RFX3: variants seen among roughly 807,000 people sequenced by gnomAD.
RFX3 encodes the protein transcription factor RFX3.
RFX3 carries 14 observed loss-of-function variants against 98.6 expected under a neutral mutation model. That is an observed-to-expected ratio of 0.14 (90% CI 0.09 to 0.22). The LOEUF is 0.22. Ranked by LOEUF, RFX3 falls within the 10% of genes least tolerant of loss-of-function variation. The probability of loss-of-function intolerance (pLI) is 1.00; values close to 1 mark genes in which losing one functional copy is unlikely to be tolerated. For missense variants in RFX3, 639 were observed against 926.9 expected (o/e 0.69, Z 4.03); for synonymous variants, 383 against 328.4 (o/e 1.17, Z -1.80).
intron 3 of RFX3, among the ~76,000 whole-genome samples, chr9:3,332,406 G>A (rs563530846): frequency 1.8e-4 from 28 of 152,228 alleles, no homozygotes; most frequent in African/African-American, 6.3e-4. Context: ...ATTGAACCAT[G>A]AGAAAGCAAA....
intron 1 of RFX3, among the ~76,000 whole-genome samples, chr9:3,412,714 A>T (rs1842561676): frequency 6.6e-6 from 1 of 152,158 alleles, no homozygotes; most frequent in Non-Finnish European, 1.5e-5. Flanking sequence ...AAGCATACCA[A>T]TTCTGTTACA....
chr9:3,272,608 C>T (rs1824645233), intron 9 of RFX3, among the ~76,000 whole-genome samples: 2 of 152,182 alleles, frequency 1.3e-5, no homozygotes, highest in African/African-American at 2.4e-5. Flanking sequence ...AAAATCTTCT[C>T]CAGCAGCAAA....
chr9:3,426,478 T>G (rs1031114346), intron 1 of RFX3, among the ~76,000 whole-genome samples: 4 of 152,102 alleles, frequency 2.6e-5, no homozygotes, highest in Non-Finnish European at 5.9e-5. Flanking sequence ...TACCAGTCCA[T>G]GGACTGTTAG....
chr9:3,505,181 T>C (rs1263741840), intron 1 of RFX3, among the ~76,000 whole-genome samples: 1 of 96,962 alleles, frequency 1.0e-5, no homozygotes, highest in Admixed American at 1.6e-4. Context: ...TTCATATAAA[T>C]ATATATATGA....
chr9:3,313,983 C>G (rs1414624186), intron 4 of RFX3, among the ~76,000 whole-genome samples: 1 of 152,104 alleles, frequency 6.6e-6, no homozygotes, highest in East Asian at 1.9e-4. Flanking sequence ...CCCAATTGAA[C>G]GAGGCAGGCC....
intron 4 of RFX3, among the ~76,000 whole-genome samples, chr9:3,303,210 A>G (rs1422966447): frequency 6.6e-6 from 1 of 151,930 alleles, no homozygotes; most frequent in Non-Finnish European, 1.5e-5. Context: ...AAAGAGATAT[A>G]TTACAGAAAG....
At chr9:3,398,269 TG>T (rs1406339836) in intron 1 of RFX3, among the ~76,000 whole-genome samples, 1 of 151,926 alleles carries the variant, frequency 6.6e-6, no homozygotes, top group African/African-American at 2.4e-5. Flanking sequence ...TCTCAAAATT[TG>T]GGGAGAGAAT....
At chr9:3,233,025 A>G (rs1272248454) in intron 15 of RFX3, among the ~76,000 whole-genome samples, 1 of 152,230 alleles carries the variant, frequency 6.6e-6, no homozygotes, top group Non-Finnish European at 1.5e-5. Context: ...AACAGACAGT[A>G]GAGAAAGCAT....
intron 1 of RFX3, among the ~76,000 whole-genome samples, chr9:3,499,158 A>G (rs1276361486): frequency 1.3e-5 from 2 of 152,092 alleles, no homozygotes; most frequent in East Asian, 3.8e-4. Flanking sequence ...CCACCTACCA[A>G]TCCCAAGTTT....
intron 1 of RFX3, among the ~76,000 whole-genome samples, chr9:3,479,735 T>C (rs1048893388): frequency 6.6e-6 from 1 of 152,178 alleles, no homozygotes; most frequent in Non-Finnish European, 1.5e-5. Context: ...AAACCAACTA[T>C]ACTCTGATAG....
At chr9:3,443,494 C>T (rs1454391827) in intron 1 of RFX3, among the ~76,000 whole-genome samples, 3 of 152,134 alleles carry the variant, frequency 2.0e-5, no homozygotes, top group Non-Finnish European at 2.9e-5. Flanking sequence ...CTGAGGATAA[C>T]GGCTTCCAAC....
intron 1 of RFX3, among the ~76,000 whole-genome samples, chr9:3,426,230 G>A (rs899710819): frequency 6.6e-6 from 1 of 151,538 alleles, no homozygotes; most frequent in Non-Finnish European, 1.5e-5. Flanking sequence ...TTTTTTAACT[G>A]ACGTATTCAT....
intron 14 of RFX3, among the ~76,000 whole-genome samples, chr9:3,255,073 A>G (rs2131079134): frequency 6.6e-6 from 1 of 152,360 alleles, no homozygotes; most frequent in Admixed American, 6.5e-5. Context: ...CCTGGGCTAG[A>G]CACTAGACAG....
intron 1 of RFX3, chr9:3,490,348 A>C (rs1479710395): frequency 3.4e-5 from 33 of 979,344 alleles, no homozygotes; most frequent in Non-Finnish European, 4.0e-5. Flanking sequence ...CAAGTGGCCT[A>C]AAATATTAAA....
At chr9:3,394,212 C>A (rs908811195) in intron 2 of RFX3, among the ~76,000 whole-genome samples, 1 of 151,908 alleles carries the variant, frequency 6.6e-6, no homozygotes, top group Non-Finnish European at 1.5e-5. Flanking sequence ...GCCTGTAATC[C>A]CAGCACTTTG....
intron 6 of RFX3, among the ~76,000 whole-genome samples, chr9:3,291,186 G>A (rs562450870): frequency 2.0e-4 from 30 of 152,094 alleles, no homozygotes; most frequent in African/African-American, 5.8e-4. Context: ...CCAACATGGC[G>A]AAACCCCATC....
chr9:3,381,708 T>C (rs960968701), intron 2 of RFX3, among the ~76,000 whole-genome samples: 3 of 151,988 alleles, frequency 2.0e-5, no homozygotes, highest in Non-Finnish European at 4.4e-5. Flanking sequence ...ATAGCTGAAA[T>C]TACTACTAAT....
At chr9:3,458,725 C>G (rs1847414327) in intron 1 of RFX3, among the ~76,000 whole-genome samples, 1 of 152,072 alleles carries the variant, frequency 6.6e-6, no homozygotes, top group Non-Finnish European at 1.5e-5. Flanking sequence ...AGTCAATGAA[C>G]ATGTGTTCAT....
chr9:3,509,341 A>G (rs953110057), intron 1 of RFX3, among the ~76,000 whole-genome samples: 7 of 152,012 alleles, frequency 4.6e-5, no homozygotes, highest in Non-Finnish European at 7.4e-5. Flanking sequence ...TTTAAAATTC[A>G]TAATTAAATG....
Sources: gnomAD v4.1 joint callset for allele counts (sites outside exome capture counted in the v4.1 genomes callset) on GRCh38, gnomAD v4.1.1 for gene constraint, MANE v1.5 for transcripts, NCBI Gene and HGNC (gene_info 2026-07-23, HGNC 2026-07-21) for gene names.